The following ADAMTS14 variants were observed in gnomAD, a reference collection of about 807,000 sequenced individuals.
The protein encoded by ADAMTS14 is A disintegrin and metalloproteinase with thrombospondin motifs 14.
In ADAMTS14, 100 loss-of-function variants were observed where a neutral mutation model predicts 128.6. The observed-to-expected ratio is 0.78, with a 90% CI of 0.66 to 0.92. The LOEUF (loss-of-function observed/expected upper bound fraction) is 0.92, where lower values mean the gene tolerates loss of function less well. Among genes scored for constraint, ADAMTS14 ranks in the 40% least tolerant of loss-of-function variants. The pLI is 0.00. For missense variants in ADAMTS14, 1,562 were observed against 1,658.6 expected (o/e 0.94, Z 1.01); for synonymous variants, 665 against 653.8 (o/e 1.02, Z -0.26).
intron 19 of ADAMTS14, among the ~76,000 whole-genome samples, chr10:70,754,981 G>A (rs936912486): frequency 9.9e-5 from 15 of 152,148 alleles, no homozygotes; most frequent in Non-Finnish European, 1.8e-4. Context: ...AGAACATCAT[G>A]CCAAGTAAAA....
Position 70,754,080 on chromosome 10 carries a change from C to A in ADAMTS14, c.2937+73C>A, listed in dbSNP as rs536806658. 3.6e-5 allele frequency: 50 copies of A among 1,370,704 alleles called. No homozygotes were observed. In the African/African-American group the frequency reaches 6.7e-4, roughly 18 times the overall value. 84.9% of individuals were successfully genotyped at this position (1,370,704 alleles called of 1,614,324 possible). A position where few individuals can be genotyped will look rare whatever the true frequency, so the allele number is the denominator to read the frequency against. ...TGAGGGATTTTTTTGGTGTTCCCTG[C>A]AGGCAAGAGAGTTTCTGCCTGAATG... On this transcript the variant is annotated intron_variant, in intron 19 of 21. Transcript: ENST00000373207.
intron 1 of ADAMTS14, among the ~76,000 whole-genome samples, chr10:70,674,151 G>C (rs1839568833): frequency 6.6e-6 from 1 of 152,182 alleles, no homozygotes; most frequent in South Asian, 2.1e-4. Flanking sequence ...CCCAGCCTGG[G>C]CTGGTGACTT....
intron 2 of ADAMTS14, among the ~76,000 whole-genome samples, chr10:70,685,386 T>C (rs1839924593): frequency 6.6e-6 from 1 of 152,204 alleles, no homozygotes; most frequent in South Asian, 2.1e-4. Context: ...AGGAGCTCCC[T>C]GTCAACATAA....
At chr10:70,687,421 G>A (rs1840009991) in intron 2 of ADAMTS14, among the ~76,000 whole-genome samples, 1 of 33,654 alleles carries the variant, frequency 3.0e-5, no homozygotes, top group African/African-American at 1.1e-4. Context: ...GGGCAGAGGC[G>A]CCCCTCAACT....
chr10:70,677,903 C>T (rs1206423294), intron 2 of ADAMTS14, among the ~76,000 whole-genome samples: 1 of 152,268 alleles, frequency 6.6e-6, no homozygotes, highest in Non-Finnish European at 1.5e-5. Flanking sequence ...AGATTGAACT[C>T]TGCATCTTTA....
At chr10:70,714,784 C>G (rs1840975118) in intron 4 of ADAMTS14, among the ~76,000 whole-genome samples, 1 of 151,694 alleles carries the variant, frequency 6.6e-6, no homozygotes, top group South Asian at 2.1e-4. Context: ...CCCGTCTTTA[C>G]TAAAAATACA....
chr10:70,711,921 AG>A (rs1489566128), intron 4 of ADAMTS14, among the ~76,000 whole-genome samples: 3 of 152,194 alleles, frequency 2.0e-5, no homozygotes, highest in African/African-American at 2.4e-5. Context: ...ACAGGAGCCC[AG>A]GGAGCGGGTG....
At chr10:70,744,599 G>A (rs901274523) in intron 14 of ADAMTS14, among the ~76,000 whole-genome samples, 7 of 152,022 alleles carry the variant, frequency 4.6e-5, no homozygotes, top group African/African-American at 1.7e-4. Context: ...TTTCTGCTTT[G>A]AATTCCTGGT....
intron 4 of ADAMTS14, among the ~76,000 whole-genome samples, chr10:70,721,019 C>CTTTTTTTTTTTTTTTTTTT (rs56656736): frequency 2.4e-5 from 2 of 84,336 alleles, no homozygotes; most frequent in Non-Finnish European, 2.1e-5. Context: ...TCTCTTTTTT[C>CTTTTTTTTTTTTTTTTTTT]TTTTTTTTTT....
At chr10:70,753,457 G>T (rs903766256) in intron 18 of ADAMTS14, among the ~76,000 whole-genome samples, 1 of 152,206 alleles carries the variant, frequency 6.6e-6, no homozygotes, top group African/African-American at 2.4e-5. Flanking sequence ...TGCGCCAGTG[G>T]GCCCTCAAAT....
chr10:70,708,489 G>T, intron 3 of ADAMTS14, 99 bp from the exon 4 acceptor site: 1 of 1,058,150 alleles, frequency 9.5e-7, no homozygotes, highest in South Asian at 1.6e-5. Context: ...GGCAGGGAAA[G>T]GGGCACCAGT....
chr10:70,697,798 C>A (rs1840377003), intron 2 of ADAMTS14, among the ~76,000 whole-genome samples: 1 of 152,118 alleles, frequency 6.6e-6, no homozygotes, highest in East Asian at 1.9e-4. Context: ...CTGAGGGGAA[C>A]CCATACTGGA....
In ADAMTS14 at chr10:70,730,159, TG is replaced by T; in HGVS notation, c.1015del (p.Ala339HisfsTer41). On this transcript the variant is annotated frameshift_variant, in exon 6 of 22. Coordinates refer to ENST00000373207, the MANE Select transcript of ADAMTS14 (RefSeq NM_080722.4). LOFTEE classifies it high-confidence loss of function. ...PSRSLEQVCR[W>X]AHSQQRQDPS... is the part of the protein sequence containing the mutation. Reference sequence around the variant, plus strand: ...ACGCAGCCTGGAGCAGGTGTGTCGCTGGGCACACTCCCAGCAGCGCCAGGAC... The same window carrying T: ...ACGCAGCCTGGAGCAGGTGTGTCGCTGGCACACTCCCAGCAGCGCCAGGAC... 6.2e-7 allele frequency: 1 copy of T among 1,613,196 alleles called. No individual in the cohort carries two copies.
At chr10:70,696,412 CT>C (rs146229091) in intron 2 of ADAMTS14, among the ~76,000 whole-genome samples, 3,228 of 152,122 alleles carry the variant, frequency 0.021, 129 homozygotes, top group African/African-American at 0.073. Context: ...GACCGTTAAG[CT>C]GTTAGTCTTA....
In ADAMTS14 at chr10:70,752,124, C is replaced by T. The variant is rs142585866; in HGVS notation, c.2626C>T (p.Arg876Cys). 4.4e-4 allele frequency: 702 copies of T among 1,613,150 alleles called. 2 individuals are homozygous for T. The highest frequency in any genetic ancestry group is 1.5e-3 in the Admixed American group (93 of 60,014). ...CCAGTTCACCAAATACGGCTGCCGG[C>T]GCAGACGAGACCACCACATGGTGCA... ...GIQFTKYGCR[R>C]RRDHHMVQRH... Residue 876 changes from arginine to cysteine, a missense_variant, in exon 18 of 22, where the codon CGC (arginine) becomes TGC (cysteine). Transcript: ENST00000373207.
At chr10:70,681,126 G>A (rs990820629) in intron 2 of ADAMTS14, among the ~76,000 whole-genome samples, 1 of 152,192 alleles carries the variant, frequency 6.6e-6, no homozygotes, top group Admixed American at 6.5e-5. Context: ...CGGTTTAAAG[G>A]GGAGGCTGAA....
At chr10:70,753,477 G>T (rs896184623) in intron 18 of ADAMTS14, among the ~76,000 whole-genome samples, 2 of 152,226 alleles carry the variant, frequency 1.3e-5, no homozygotes, top group African/African-American at 4.8e-5. Context: ...TATGTATGCG[G>T]CTTTGAAGTA....
intron 4 of ADAMTS14, among the ~76,000 whole-genome samples, chr10:70,722,252 C>T (rs929374492): frequency 1.3e-5 from 2 of 152,078 alleles, no homozygotes; most frequent in Non-Finnish European, 2.9e-5. Context: ...GTGAGAAGGG[C>T]CAGGGTTGCA....
At chr10:70,675,734 C>T (rs947666441) in intron 2 of ADAMTS14, among the ~76,000 whole-genome samples, 23 of 152,204 alleles carry the variant, frequency 1.5e-4, no homozygotes, top group African/African-American at 5.1e-4. Context: ...CTGTCTTTCT[C>T]GCCCCCACCT....
Sources: allele counts gnomAD v4.1 joint callset (sites outside exome capture counted in the v4.1 genomes callset), GRCh38; gene constraint gnomAD v4.1.1; transcripts MANE v1.5; gene names NCBI Gene and HGNC (gene_info 2026-07-23, HGNC 2026-07-21).